SORCS3: variants seen among roughly 807,000 people sequenced by gnomAD.
SORCS3 encodes the protein VPS10 domain-containing receptor SorCS3.
SORCS3 carries 57 observed loss-of-function variants against 146.3 expected under a neutral mutation model. The ratio of observed to expected loss-of-function variants is 0.39; its 90% CI spans 0.31 to 0.49. The LOEUF is 0.49. SORCS3 is among the 20% of genes least tolerant of loss of function. The probability of loss-of-function intolerance (pLI) is 0.92; values close to 1 mark genes in which losing one functional copy is unlikely to be tolerated. For synonymous variants in SORCS3, 653 were observed against 618.5 expected, an observed-to-expected ratio of 1.06 and a Z score of -0.83; for missense variants, 1,341 against 1,575.5, an observed-to-expected ratio of 0.85 and a Z score of 2.52.
At chr10:105,053,370 G>C (rs561589655) in intron 5 of SORCS3, among the ~76,000 whole-genome samples, 1 of 151,870 alleles carries the variant, frequency 6.6e-6, no homozygotes, top group African/African-American at 2.4e-5. Context: ...AAGGCTTGTC[G>C]GGGAAGTGGA....
chr10:105,193,256 G>A (rs1029285596), intron 14 of SORCS3, among the ~76,000 whole-genome samples: 1 of 152,164 alleles, frequency 6.6e-6, no homozygotes, highest in African/African-American at 2.4e-5. Flanking sequence ...GCAATTACTT[G>A]CCTGAGATTG....
intron 1 of SORCS3, among the ~76,000 whole-genome samples, chr10:104,746,400 T>C (rs1369488059): frequency 6.6e-6 from 1 of 152,212 alleles, no homozygotes; most frequent in African/African-American, 2.4e-5. Context: ...CCTCCCAGAG[T>C]GCTGGGATTA....
intron 7 of SORCS3, among the ~76,000 whole-genome samples, chr10:105,134,737 A>G (rs569792661): frequency 6.6e-6 from 1 of 152,284 alleles, no homozygotes; most frequent in South Asian, 2.1e-4. Flanking sequence ...CAATCGGCCC[A>G]TAGCATTCCA....
intron 2 of SORCS3, among the ~76,000 whole-genome samples, chr10:104,906,071 A>T (rs1179274076): frequency 6.6e-6 from 1 of 152,140 alleles, no homozygotes; most frequent in Non-Finnish European, 1.5e-5. Context: ...AGGTTTCTGG[A>T]TGTGCCCAAA....
chr10:105,132,408 C>T (rs548436088), intron 7 of SORCS3, among the ~76,000 whole-genome samples: 1 of 152,246 alleles, frequency 6.6e-6, no homozygotes, highest in East Asian at 1.9e-4. Context: ...GCTTCTGACT[C>T]TCTTCTAAGA....
intron 1 of SORCS3, among the ~76,000 whole-genome samples, chr10:104,667,890 G>A (rs2015801728): frequency 6.6e-6 from 1 of 152,212 alleles, no homozygotes; most frequent in Admixed American, 6.5e-5. Context: ...TCCTCTGGGA[G>A]CTGCTGTGCT....
intron 1 of SORCS3, among the ~76,000 whole-genome samples, chr10:104,837,090 T>G (rs1379674911): frequency 1.3e-5 from 2 of 152,156 alleles, no homozygotes; most frequent in Non-Finnish European, 2.9e-5. Flanking sequence ...TCCCTTCTTT[T>G]ACTGCCATAT....
intron 2 of SORCS3, among the ~76,000 whole-genome samples, chr10:104,880,985 A>G (rs1375453910): frequency 6.6e-6 from 1 of 152,222 alleles, no homozygotes; most frequent in Non-Finnish European, 1.5e-5. Context: ...GTTAAAACAT[A>G]TAATCTCTGA....
Position 104,641,564 on chromosome 10 carries a change from C to T in SORCS3, c.237C>T (p.Ala79=). Residue 79 remains alanine, a synonymous_variant, in exon 1 of 27, where the codon GCC becomes GCT. Transcript: ENST00000369701. This position sits in a 1 kb window ranked among gnomAD's most constrained non-coding sequence, Gnocchi z 6.4. The part of the protein sequence containing the change: ...PEELASARRA[A]VLGRRAGPEL... ...AGCTGGCGTCGGCGCGGAGAGCCGC[C>T]GTGCTGGGGCGCCGGGCCGGACCAG... The T allele has an allele frequency of 6.8e-7, 1 of 1,464,888 alleles. No individual in the cohort carries two copies. 90.7% of individuals were successfully genotyped at this position (1,464,888 alleles called of 1,614,324 possible). A position where few individuals can be genotyped will look rare whatever the true frequency, so the allele number is the denominator to read the frequency against.
At chr10:105,241,949 C>A (rs533196185) in intron 20 of SORCS3, among the ~76,000 whole-genome samples, 4 of 151,946 alleles carry the variant, frequency 2.6e-5, no homozygotes, top group Non-Finnish European at 5.9e-5. Context: ...TCAGAGAAAG[C>A]GCACCAAACA....
intron 3 of SORCS3, among the ~76,000 whole-genome samples, chr10:104,952,630 A>T (rs2019444442): frequency 6.6e-6 from 1 of 152,122 alleles, no homozygotes; most frequent in Non-Finnish European, 1.5e-5. Context: ...CTGCCTTGTG[A>T]CCAAATTGAG....
intron 4 of SORCS3, among the ~76,000 whole-genome samples, chr10:105,033,601 GTGAA>G (rs1238370995): frequency 1.3e-5 from 2 of 152,186 alleles, no homozygotes; most frequent in Non-Finnish European, 2.9e-5. Flanking sequence ...TGATGCATAA[GTGAA>G]TGAATGAGTA....
intron 14 of SORCS3, among the ~76,000 whole-genome samples, chr10:105,178,790 C>T (rs569839381): frequency 6.6e-6 from 1 of 152,142 alleles, no homozygotes; most frequent in Non-Finnish European, 1.5e-5. Context: ...CCAATACTGT[C>T]CCCCACCTCC....
intron 1 of SORCS3, among the ~76,000 whole-genome samples, chr10:104,777,435 G>T (rs988846931): frequency 6.6e-6 from 1 of 152,222 alleles, no homozygotes; most frequent in Non-Finnish European, 1.5e-5. Context: ...CTGTAGCTCA[G>T]TGAGGGGTGT....
chr10:104,869,970 A>G (rs915004842), intron 2 of SORCS3, among the ~76,000 whole-genome samples: 4 of 152,222 alleles, frequency 2.6e-5, no homozygotes, highest in Non-Finnish European at 5.9e-5. Context: ...GATGGCATCT[A>G]TCACGTAGAG....
intron 23 of SORCS3, among the ~76,000 whole-genome samples, chr10:105,253,161 C>T (rs1423910900): frequency 6.6e-6 from 1 of 152,132 alleles, no homozygotes; most frequent in Non-Finnish European, 1.5e-5. Flanking sequence ...TCATGTCTCC[C>T]TCCCAGTGAC....
chr10:105,017,925 G>C (rs1343316172), intron 4 of SORCS3, among the ~76,000 whole-genome samples: 4 of 152,130 alleles, frequency 2.6e-5, no homozygotes, highest in Non-Finnish European at 5.9e-5. Context: ...GTGTTTTCTG[G>C]CTGATGTAAT....
chr10:105,062,651 C>T (rs373540868), intron 5 of SORCS3, among the ~76,000 whole-genome samples: 4 of 152,242 alleles, frequency 2.6e-5, no homozygotes, highest in Admixed American at 6.5e-5. Flanking sequence ...TGTGGAAGAC[C>T]GTCAAGCTCA....
intron 8 of SORCS3, among the ~76,000 whole-genome samples, chr10:105,141,441 TA>T (rs1196725549): frequency 2.0e-5 from 3 of 152,160 alleles, no homozygotes; most frequent in Admixed American, 2.0e-4. Context: ...TTCCATTGTT[TA>T]AAAATGAAAA....
Sources: allele counts gnomAD v4.1 joint callset (sites outside exome capture counted in the v4.1 genomes callset), GRCh38; gene constraint gnomAD v4.1.1; non-coding constraint Gnocchi (gnomAD v3.1); transcripts MANE v1.5; gene names NCBI Gene and HGNC (gene_info 2026-07-23, HGNC 2026-07-21).